Variants in ZNF638 observed in about 807,000 individuals in gnomAD.
The protein encoded by ZNF638 is CTCL tumor antigen se33-1.
In ZNF638, 46 loss-of-function variants were observed where a neutral mutation model predicts 195.6. The observed-to-expected ratio is 0.24, with a 90% confidence interval of 0.19 to 0.30. ZNF638 has a LOEUF of 0.30. ZNF638 is among the 10% of genes least tolerant of loss of function. The probability of loss-of-function intolerance (pLI) is 1.00; values close to 1 mark genes in which losing one functional copy is unlikely to be tolerated. For missense variants in ZNF638, 2,440 were observed against 2,325.3 expected (o/e 1.05, Z -1.01); for synonymous variants, 845 against 772.0 (o/e 1.09, Z -1.57).
At chr2:71,434,434 G>GC (rs927991954) in intron 27 of ZNF638, among the ~76,000 whole-genome samples, 3 of 152,032 alleles carry the variant, frequency 2.0e-5, no homozygotes, top group Non-Finnish European at 4.4e-5. Flanking sequence ...GCTTACCACC[G>GC]CCCCCAAAGT....
rs752521872 is a variant in ZNF638 at position 71,408,132 on chromosome 2, A to T, written c.3146A>T (p.Gln1049Leu). 6.2e-7 allele frequency: 1 copy of T among 1,605,466 alleles called. No individual in the cohort carries two copies. Among genetic ancestry groups the T allele is most frequent in the South Asian group, 1.1e-5 (1 of 88,802 alleles). Reference protein sequence around the residue: ...FISNRNKAILQLDSPESAQSM... With the variant: ...FISNRNKAILLLDSPESAQSM... ...TAATCTTCTCCAAAGGCAATTCTTC[A>T]GTTAGATAGTCCTGAATCTGCTCAG... is the stretch of plus-strand genomic sequence containing the variant. Residue 1049 changes from glutamine to leucine, a missense_variant, in exon 20 of 28, where the codon CAG becomes CTG. By Grantham distance (113) the Gln-to-Leu change is moderately radical (BLOSUM62 -2). Around this residue, in one of 5 missense-constraint regions of ZNF638, gnomAD observed 1,883 missense variants for 1,739.1 expected, o/e 1.08. Transcript: ENST00000264447.
At chr2:71,424,564 TTTTTTTG>T (rs1243285697) in intron 22 of ZNF638, 79 bp from the exon 23 acceptor site, 10 of 1,119,220 alleles carry the variant, frequency 8.9e-6, no homozygotes, top group Non-Finnish European at 1.3e-5. Flanking sequence ...GTTTACTGTT[TTTTTTTG>T]TTTTTTGTTT....
At chr2:71,356,465 G>T (rs1256695623) in intron 3 of ZNF638, among the ~76,000 whole-genome samples, 1 of 152,178 alleles carries the variant, frequency 6.6e-6, no homozygotes, top group South Asian at 2.1e-4. Context: ...ATGGATTTGA[G>T]ATTATTATTG....
At position 71,427,319 on chromosome 2, in the gene ZNF638, A is replaced by G. The variant is rs1464594205; in HGVS notation, c.5450A>G (p.Lys1817Arg). The change falls in exon 24 of 28, where the codon AAA (lysine) becomes AGA (arginine). Residue 1817 changes from lysine (K) to arginine (R), a missense_variant. Coordinates refer to ENST00000264447, the MANE Select transcript of ZNF638 (RefSeq NM_014497.5). ...AGAAAGAAGAGAGCTGTGGACACAA[A>G]AAAGACAAAACTTGAATCCTTGTCC... ...GNRKKRAVDT[K>R]KTKLESLSQV... 1.2e-6 allele frequency: 2 copies of G among 1,611,290 alleles called. No homozygotes were observed. Among genetic ancestry groups the G allele is most frequent in the Admixed American group, 3.4e-5 (2 of 59,344 alleles).
intron 1 of ZNF638, among the ~76,000 whole-genome samples, chr2:71,345,095 A>G (rs2078827978): frequency 6.6e-6 from 1 of 152,250 alleles, no homozygotes; most frequent in African/African-American, 2.4e-5. Flanking sequence ...AACCACATTC[A>G]TAAAACTTTC....
At chr2:71,433,811 T>C (rs944665773) in intron 27 of ZNF638, among the ~76,000 whole-genome samples, 6 of 152,240 alleles carry the variant, frequency 3.9e-5, no homozygotes, top group Admixed American at 1.3e-4. Flanking sequence ...CAGACACTCA[T>C]CTAACATTTA....
intron 26 of ZNF638, among the ~76,000 whole-genome samples, chr2:71,431,666 A>G (rs2080665454): frequency 6.6e-6 from 1 of 151,906 alleles, no homozygotes; most frequent in East Asian, 1.9e-4. Context: ...AGGCTGAGGC[A>G]GGAGAATGGC....
rs143340083 is a variant in ZNF638 at position 71,348,994 on chromosome 2, C to T, written c.40C>T (p.Leu14Phe). The T allele has an allele frequency of 2.5e-6, 4 of 1,614,144 alleles. No individual in the cohort carries two copies. The highest frequency in any genetic ancestry group is 1.7e-6 in the Non-Finnish European group (2 of 1,180,028). The change falls in exon 2 of 28, where the codon CTT becomes TTT. Residue 14 changes from leucine (L) to phenylalanine (F), a missense_variant. Leu to Phe is a conservative substitution (Grantham distance 22). Around this residue, in one of 5 missense-constraint regions of ZNF638, gnomAD observed 191 missense variants for 173.8 expected, o/e 1.10. Coordinates refer to ENST00000264447, the MANE Select transcript of ZNF638 (RefSeq NM_014497.5). ...PRFNPRGDFP[L>F]QRPRAPNPSG... ...GTTTAATCCTCGAGGAGACTTTCCA[C>T]TTCAAAGGCCACGAGCACCTAACCC...
At chr2:71,364,609 G>C (rs530081406) in intron 5 of ZNF638, among the ~76,000 whole-genome samples, 1 of 152,034 alleles carries the variant, frequency 6.6e-6, no homozygotes, top group East Asian at 1.9e-4. Flanking sequence ...ACACATGCAT[G>C]CCCACATACA....
chr2:71,409,543 A>G (rs968776745), intron 20 of ZNF638, among the ~76,000 whole-genome samples: 1 of 152,308 alleles, frequency 6.6e-6, no homozygotes, highest in African/African-American at 2.4e-5. Flanking sequence ...ATGTGTGTCC[A>G]TAACCTCTAC....
intron 17 of ZNF638, 127 bp from the exon 18 acceptor site, chr2:71,405,474 T>C: frequency 1.6e-6 from 1 of 609,898 alleles, no homozygotes; most frequent in Middle Eastern, 4.6e-4. Flanking sequence ...TCTTGCTGCT[T>C]CTTAATTTTA....
rs138896302 is a variant in ZNF638, at chr2:71,418,929, G to A, written c.3299+290G>A. On this transcript the variant is annotated intron_variant, in intron 21 of 27. Transcript: ENST00000264447. ...CTTTATAAAATGTTTTAAGACTCTCGAATAACTCAACATCACGAACAGTAA... is the reference window on the plus strand; with the variant it reads ...CTTTATAAAATGTTTTAAGACTCTCAAATAACTCAACATCACGAACAGTAA... Among the ~76,000 whole-genome samples, 28 of 152,160 alleles carry A rather than the reference G, an allele frequency of 1.8e-4. 1 individual carries two copies. The highest frequency in any genetic ancestry group is 1.5e-3 in the East Asian group (8 of 5,188).
intron 1 of ZNF638, among the ~76,000 whole-genome samples, chr2:71,348,148 G>A (rs1162584577): frequency 6.6e-6 from 1 of 152,208 alleles, no homozygotes; most frequent in Non-Finnish European, 1.5e-5. Flanking sequence ...CGAATTCCAT[G>A]CCATTGCATA....
At chr2:71,372,254 G>A (rs1164065749) in intron 8 of ZNF638, among the ~76,000 whole-genome samples, 1 of 152,058 alleles carries the variant, frequency 6.6e-6, no homozygotes, top group Non-Finnish European at 1.5e-5. Context: ...TACCTTTCAG[G>A]TTTACCTAGC....
rs771679362 is a variant in ZNF638 at position 71,355,758 on chromosome 2, A to C, written c.1357A>C (p.Ser453Arg). The C allele has an allele frequency of 3.1e-6, 5 of 1,596,024 alleles. No homozygotes were observed. The highest frequency in any genetic ancestry group is 4.3e-6 in the Non-Finnish European group (5 of 1,171,196). Reference sequence around the variant, plus strand: ...TCAAAATACATCTACTCATATTGAGAGCTGTCGACAGTTACGTCAACAGTA... The same window carrying C: ...TCAAAATACATCTACTCATATTGAGCGCTGTCGACAGTTACGTCAACAGTA... The part of the protein sequence containing the change: ...QHQNTSTHIE[S>R]CRQLRQQYPD... The change falls in exon 3 of 28, where the codon AGC (serine) becomes CGC (arginine). Residue 453 changes from serine to arginine, a missense_variant. By Grantham distance (110) the Ser-to-Arg change is moderately radical (BLOSUM62 -1). Around this residue, in one of 5 missense-constraint regions of ZNF638, gnomAD observed 37 missense variants for 75.7 expected, o/e 0.49. Transcript: ENST00000264447.
chr2:71,425,035 T>A (rs919298807), intron 23 of ZNF638, among the ~76,000 whole-genome samples: 6 of 151,976 alleles, frequency 3.9e-5, no homozygotes, highest in Non-Finnish European at 7.4e-5. Flanking sequence ...AGAAAAAAAA[T>A]TTATATATGT....
chr2:71,423,533 CAGAAAAGGT>C lies in ZNF638; in HGVS notation c.4020_4028del (p.Val1343_Lys1345del). 6.2e-7 allele frequency: 1 copy of C among 1,613,900 alleles called. No homozygotes were observed. The highest frequency in any genetic ancestry group is 8.5e-7 in the Non-Finnish European group (1 of 1,179,988). On this transcript the variant is annotated inframe_deletion, in exon 22 of 28. Transcript: ENST00000264447. ...GAAAAGAATGAAGGTAGGATGGATG[CAGAAAAGGT>C]GGAAAAGATGGCAGCAATGAAAGAA...
rs371322962 is a variant in ZNF638 at position 71,397,316 on chromosome 2, A to G, written c.2428+1125A>G. On this transcript the variant is annotated intron_variant, in intron 11 of 27. Coordinates refer to ENST00000264447, the MANE Select transcript of ZNF638 (RefSeq NM_014497.5). ...TAATAACATAGGGATAGTGAAAGAA[A>G]TATCTTAAGGGCTCACTGAGGCTCA... Among the ~76,000 whole-genome samples, 6 of 152,192 alleles carry G rather than the reference A, an allele frequency of 3.9e-5. No homozygotes were observed. In the South Asian group the frequency reaches 8.3e-4, roughly 21 times the overall value.
intron 3 of ZNF638, among the ~76,000 whole-genome samples, chr2:71,360,294 A>G (rs1014315489): frequency 9.2e-5 from 14 of 152,240 alleles, no homozygotes; most frequent in African/African-American, 3.1e-4. Flanking sequence ...TAAATTGCAG[A>G]CATTATGGGA....
Sources: allele counts gnomAD v4.1 joint callset (sites outside exome capture counted in the v4.1 genomes callset), GRCh38; gene constraint gnomAD v4.1.1; regional missense constraint gnomAD v4.1.1; transcripts MANE v1.5; gene names NCBI Gene and HGNC (gene_info 2026-07-23, HGNC 2026-07-21).